Variants in ANP32A observed in about 807,000 individuals in gnomAD.
ANP32A encodes acidic nuclear phosphoprotein 32 family member A.
A neutral mutation model predicts 33.9 loss-of-function variants in ANP32A; 1 was observed. The ratio of observed to expected loss-of-function variants is 0.03; its 90% CI spans 0.01 to 0.14. The LOEUF is 0.14. Among genes scored for constraint, ANP32A ranks in the 10% least tolerant of loss-of-function variants. The pLI, the probability that ANP32A is intolerant of heterozygous loss-of-function variation, is 1.00. For synonymous variants in ANP32A, 115 were observed against 120.5 expected, an observed-to-expected ratio of 0.95 and a Z score of 0.30; for missense variants, 155 against 306.0, an observed-to-expected ratio of 0.51 and a Z score of 3.68.
intron 1 of ANP32A, among the ~76,000 whole-genome samples, chr15:68,800,153 T>C: frequency 6.6e-6 from 1 of 152,178 alleles, no homozygotes; most frequent in Non-Finnish European, 1.5e-5. Flanking sequence ...TATTGTATGA[T>C]AAAGCCCTGC....
chr15:68,780,200 A>G lies in ANP32A; in HGVS notation c.689-58T>C, dbSNP rs1288642711. ...TTATTAATCCCACCTCTTTAACTCA[A>G]CCCACCCAGTGAGAAGTCAGGGGAC... On this transcript the variant is annotated intron_variant, in intron 6 of 6. Transcript: ENST00000465139. The surrounding 1 kb of genome is among the most constrained non-coding windows in gnomAD (Gnocchi z 4.3). 3.1e-6 allele frequency: 5 copies of G among 1,603,226 alleles called. No homozygotes were observed. Among genetic ancestry groups the G allele is most frequent in the Non-Finnish European group, 4.3e-6 (5 of 1,173,564 alleles).
intron 1 of ANP32A, among the ~76,000 whole-genome samples, chr15:68,800,510 C>T (rs1449002519): frequency 6.6e-6 from 1 of 150,832 alleles, no homozygotes; most frequent in African/African-American, 2.4e-5. Context: ...TTTGGGAGGC[C>T]GAGGCTGGCG....
chr15:68,818,275 A>C (rs1192202861), intron 1 of ANP32A: 1 of 273,660 alleles, frequency 3.7e-6, no homozygotes, highest in Non-Finnish European at 7.8e-6. Flanking sequence ...GCGTCGCGGC[A>C]TGGCCACCAG....
chr15:68,788,371 G>A (rs1364158962), intron 1 of ANP32A, among the ~76,000 whole-genome samples: 2 of 138,704 alleles, frequency 1.4e-5, no homozygotes, highest in African/African-American at 2.7e-5. Context: ...ATGCCCAGTT[G>A]CTTTCACCCA....
At chr15:68,783,464 C>A (rs1893895236) in intron 4 of ANP32A, among the ~76,000 whole-genome samples, 1 of 152,202 alleles carries the variant, frequency 6.6e-6, no homozygotes, top group African/African-American at 2.4e-5. Context: ...ACTAGTTGAG[C>A]TGGGCCTAGG....
At chr15:68,793,624 G>A (rs943884627) in intron 1 of ANP32A, among the ~76,000 whole-genome samples, 1 of 152,170 alleles carries the variant, frequency 6.6e-6, no homozygotes, top group African/African-American at 2.4e-5. Flanking sequence ...CCGGGCCAGG[G>A]TGCATTCTTC....
At chr15:68,793,190 C>A (rs1214001681) in intron 1 of ANP32A, among the ~76,000 whole-genome samples, 4 of 152,200 alleles carry the variant, frequency 2.6e-5, no homozygotes, top group Admixed American at 1.3e-4. Context: ...GAGACCAGAG[C>A]AACTGCTTAA....
chr15:68,782,005 T>C (rs934731552), intron 5 of ANP32A, among the ~76,000 whole-genome samples: 4 of 152,200 alleles, frequency 2.6e-5, no homozygotes, highest in Non-Finnish European at 5.9e-5. Flanking sequence ...AGCGGATGTG[T>C]CTGCATCCTC....
intron 1 of ANP32A, among the ~76,000 whole-genome samples, chr15:68,797,631 C>A: frequency 6.6e-6 from 1 of 152,212 alleles, no homozygotes; most frequent in East Asian, 1.9e-4. Flanking sequence ...CCCATCTCAG[C>A]CCTCTGCTAG....
intron 1 of ANP32A, chr15:68,789,430 T>G (rs1327786236): frequency 6.6e-6 from 1 of 152,402 alleles, no homozygotes. Context: ...AACCTGTCCC[T>G]GTCCAGGGCT....
intron 1 of ANP32A, among the ~76,000 whole-genome samples, chr15:68,820,183 TGCGA>T (rs1431453196): frequency 3.3e-5 from 5 of 150,876 alleles, no homozygotes; most frequent in Non-Finnish European, 5.9e-5. Flanking sequence ...TTATTGTGTG[TGCGA>T]GCGAGCGAGC....
chr15:68,795,314 T>C lies in ANP32A; in HGVS notation c.55-7395A>G, dbSNP rs377147831. Among the ~76,000 whole-genome samples the C allele has an allele frequency of 3.3e-5, 5 of 152,212 alleles. No homozygotes were observed. The East Asian group carries it at 7.7e-4, about 24-fold the overall frequency. ...AAGAAAAAAGCATCCACGTCTCTGA[T>C]TTTTTTTGTTGTTTGTTTCCTACAA... On this transcript the variant is annotated intron_variant, in intron 1 of 6. Coordinates refer to ENST00000465139, the MANE Select transcript of ANP32A (RefSeq NM_006305.4).
chr15:68,780,084 GTCA>G lies in ANP32A; in HGVS notation c.744_746del (p.Asp249del). 6.2e-7 allele frequency: 1 copy of G among 1,613,454 alleles called. No individual in the cohort carries two copies. Among genetic ancestry groups the G allele is most frequent in the South Asian group, 1.1e-5 (1 of 91,060 alleles). On this transcript the variant is annotated inframe_deletion, in exon 7 of 7. Transcript: ENST00000465139. This position sits in a 1 kb window ranked among gnomAD's most constrained non-coding sequence, Gnocchi z 4.3. ...TTTTCAAAATAGGTTATTCCACTTA[GTCA>G]TCATCTTCTCCCTCATCTTCAGGTT...
At chr15:68,806,033 A>G (rs947809404) in intron 1 of ANP32A, among the ~76,000 whole-genome samples, 1 of 152,212 alleles carries the variant, frequency 6.6e-6, no homozygotes, top group Non-Finnish European at 1.5e-5. Flanking sequence ...CAGGGATTCC[A>G]ATCTTACACC....
At chr15:68,807,649 C>G (rs1395537564) in intron 1 of ANP32A, among the ~76,000 whole-genome samples, 1 of 152,124 alleles carries the variant, frequency 6.6e-6, no homozygotes, top group Non-Finnish European at 1.5e-5. Flanking sequence ...CCTTCAGGGT[C>G]CGTCTACAAC....
Position 68,780,564 on chromosome 15 carries a change from A to C in ANP32A, c.625-91T>G, listed in dbSNP as rs1009706779. 1.1e-4 allele frequency: 163 copies of C among 1,546,038 alleles called. No individual in the cohort carries two copies. Among genetic ancestry groups the C allele is most frequent in the Non-Finnish European group, 3.5e-6 (4 of 1,151,410 alleles). ...CACAGAGCACAAAAAGGCCGGGGTC[A>C]CCCCCAGCCTCTCAGAGCCCCCACC... On this transcript the variant is annotated intron_variant, in intron 5 of 6. Coordinates refer to ENST00000465139, the MANE Select transcript of ANP32A (RefSeq NM_006305.4). This position sits in a 1 kb window ranked among gnomAD's most constrained non-coding sequence, Gnocchi z 4.3.
chr15:68,819,435 C>T (rs1410307248), intron 1 of ANP32A, among the ~76,000 whole-genome samples: 1 of 152,238 alleles, frequency 6.6e-6, no homozygotes, highest in Non-Finnish European at 1.5e-5. Context: ...CGATTCCCAC[C>T]CGTGTAAGTT....
chr15:68,788,950 G>A (rs1452599877), intron 1 of ANP32A, among the ~76,000 whole-genome samples: 1 of 152,230 alleles, frequency 6.6e-6, no homozygotes, highest in African/African-American at 2.4e-5. Context: ...AGCTGAAGGT[G>A]AAACTGCAGG....
At chr15:68,811,831 G>A (rs1052340257) in intron 1 of ANP32A, among the ~76,000 whole-genome samples, 1 of 152,138 alleles carries the variant, frequency 6.6e-6, no homozygotes, top group Non-Finnish European at 1.5e-5. Flanking sequence ...CCGTCTCCCA[G>A]GTTCAAGCGA....
Sources: gnomAD v4.1 joint callset for allele counts (sites outside exome capture counted in the v4.1 genomes callset) on GRCh38, gnomAD v4.1.1 for gene constraint, Gnocchi (gnomAD v3.1) non-coding constraint, MANE v1.5 for transcripts, NCBI Gene and HGNC (gene_info 2026-07-23, HGNC 2026-07-21) for gene names.